INAVA: variants seen among roughly 807,000 people sequenced by gnomAD.
INAVA encodes innate immunity activator protein.
Under a neutral mutation model 55.3 loss-of-function variants are expected in INAVA, and 32 were observed. The ratio of observed to expected loss-of-function variants is 0.58; its 90% confidence interval spans 0.44 to 0.78. The LOEUF is 0.78. INAVA is among the 30% of genes least tolerant of loss of function. The pLI, the probability that INAVA is intolerant of heterozygous loss-of-function variation, is 0.00. For missense variants in INAVA, 756 were observed against 786.4 expected (o/e 0.96, Z 0.46); for synonymous variants, 294 against 329.4 (o/e 0.89, Z 1.16).
intron 6 of INAVA, 182 bp downstream of exon 6, chr1:200,908,069 G>A (rs1653567575): frequency 4.0e-6 from 2 of 504,548 alleles, no homozygotes; most frequent in East Asian, 3.1e-5. Context: ...GTTGAAGATG[G>A]GGAATGTGCG....
chr1:200,912,577 T>C (rs1420508905), intron 9 of INAVA, among the ~76,000 whole-genome samples: 2 of 152,076 alleles, frequency 1.3e-5, no homozygotes, highest in African/African-American at 4.8e-5. Context: ...ATCAGCATCC[T>C]CCCTGACACC....
chr1:200,900,900 T>G lies in INAVA; in HGVS notation c.298-37T>G, dbSNP rs1361988224. ...CCACCCTCTGGGCCCCCAATCTCCC[T>G]GCCTCTCTCTAGCCTCACTCCTGCC... On this transcript the variant is annotated intron_variant, in intron 4 of 9. Transcript: ENST00000413687. 4.0e-6 allele frequency: 6 copies of G among 1,483,216 alleles called. No homozygotes were observed. The South Asian group carries it at 7.7e-5, about 19-fold the overall frequency. The allele number at this position is 1,483,216 out of a possible 1,614,324, so 91.9% of individuals were successfully genotyped here.
upstream of INAVA, among the ~76,000 whole-genome samples, chr1:200,893,904 T>C (rs1335946158): frequency 2.7e-5 from 4 of 149,402 alleles, no homozygotes; most frequent in African/African-American, 5.0e-5. Context: ...TCCAGACATG[T>C]ATTGAGGCAC....
At chr1:200,896,889 A>G (rs1668364129) in intron 1 of INAVA, among the ~76,000 whole-genome samples, 1 of 152,260 alleles carries the variant, frequency 6.6e-6, no homozygotes, top group African/African-American at 2.4e-5. Flanking sequence ...GAGGCAGGAT[A>G]GGCTCCAGAC....
At chr1:200,891,556 A>C (rs1668238544), upstream of INAVA, 1 of 1,603,200 alleles carries the variant, frequency 6.2e-7, no homozygotes, top group Non-Finnish European at 8.5e-7. Flanking sequence ...GCAAATGCCG[A>C]AGTTAAATGA....
chr1:200,898,777 T>C (rs574056479), intron 2 of INAVA, among the ~76,000 whole-genome samples: 20 of 152,306 alleles, frequency 1.3e-4, no homozygotes, highest in East Asian at 9.6e-4. Flanking sequence ...CAGTGGCTCA[T>C]GCCTGTAATC....
At chr1:200,900,652 T>C (rs1653208246) in intron 4 of INAVA, among the ~76,000 whole-genome samples, 1 of 151,928 alleles carries the variant, frequency 6.6e-6, no homozygotes, top group African/African-American at 2.4e-5. Flanking sequence ...CCCTTTGGGG[T>C]CAGGAGGGAA....
At chr1:200,901,331 T>G (rs1302479650) in intron 5 of INAVA, among the ~76,000 whole-genome samples, 172 bp downstream of exon 5, 1 of 152,240 alleles carries the variant, frequency 6.6e-6, no homozygotes, top group East Asian at 1.9e-4. Flanking sequence ...GGCTTCCCCA[T>G]CCTGTGAGGT....
upstream of INAVA, among the ~76,000 whole-genome samples, chr1:200,892,857 G>T (rs1202236699): frequency 6.6e-6 from 1 of 152,358 alleles, no homozygotes; most frequent in East Asian, 1.9e-4. Flanking sequence ...TATTGAGCGT[G>T]AATTTGGGGG....
chr1:200,894,693 T>C (rs1320112545), upstream of INAVA: 25 of 694,920 alleles, frequency 3.6e-5, no homozygotes, highest in Non-Finnish European at 4.4e-5. Flanking sequence ...CTTGAGGCCA[T>C]GAAGACATGA....
At chr1:200,897,809 A>T (rs1653010661) in intron 1 of INAVA, among the ~76,000 whole-genome samples, 1 of 151,970 alleles carries the variant, frequency 6.6e-6, no homozygotes, top group Non-Finnish European at 1.5e-5. Flanking sequence ...TTCATTTTGG[A>T]GAGATGGGGT....
chr1:200,911,485 G>A lies in INAVA; in HGVS notation c.992G>A (p.Arg331Gln), dbSNP rs758771262. 4 of 1,613,318 alleles carry A rather than the reference G, an allele frequency of 2.5e-6. No homozygotes were observed. The highest frequency in any genetic ancestry group is 2.2e-5 in the East Asian group (1 of 44,856). The part of the protein sequence containing the change: ...VDSFRAGPEG[R>Q]GRSAFPRRRP... ...TCCTTCCGGGCGGGTCCTGAGGGCC[G>A]AGGTCGCAGCGCCTTTCCCCGCCGC... The change falls in exon 9 of 10, where the codon CGA (arginine) becomes CAA (glutamine). Residue 331 changes from arginine to glutamine, a missense_variant. Physicochemically the swap from Arg to Gln is conservative, Grantham distance 43. Coordinates refer to ENST00000413687, the MANE Select transcript of INAVA (RefSeq NM_001142569.3).
chr1:200,898,349 G>T lies in INAVA; in HGVS notation c.-52G>T. ...TACCTACACAACCTGGCCCAGGCTG[G>T]TCACGGTGTCCCCCCTCCCTGCTCT... is the stretch of plus-strand genomic sequence containing the variant. On this transcript the variant is annotated 5_prime_UTR_variant, in exon 2 of 10. Transcript: ENST00000413687. 3 of 1,614,090 alleles carry T rather than the reference G, an allele frequency of 1.9e-6. No homozygotes were observed. The highest frequency in any genetic ancestry group is 8.5e-7 in the Non-Finnish European group (1 of 1,180,020).
rs758575159 is a variant in INAVA at position 200,911,418 on chromosome 1, C to G, written c.960-35C>G. 10 of 1,576,228 alleles carry G rather than the reference C, an allele frequency of 6.3e-6. No homozygotes were observed. In the East Asian group the frequency reaches 2.3e-4, roughly 35 times the overall value. On this transcript the variant is annotated intron_variant, in intron 8 of 9. Transcript: ENST00000413687. ...CCAACCCCAGTGTGGAGTTTCTGCC[C>G]CCCACACTCAGAATGCCTCTCTTTC...
chr1:200,905,448 A>G (rs543782275), intron 5 of INAVA, among the ~76,000 whole-genome samples: 27 of 152,286 alleles, frequency 1.8e-4, no homozygotes, highest in Admixed American at 1.2e-3. Context: ...GCTACTCAGG[A>G]GTCTGAGGTG....
At chr1:200,891,564 T>G, upstream of INAVA, 1 of 1,601,798 alleles carries the variant, frequency 6.2e-7, no homozygotes, top group East Asian at 2.3e-5. Flanking sequence ...CGAAGTTAAA[T>G]GAAATACCTC....
chr1:200,909,208 T>C lies in INAVA; in HGVS notation c.786-16T>C. On this transcript the variant is annotated splice_polypyrimidine_tract_variant and intron_variant, in intron 7 of 9. Coordinates refer to ENST00000413687, the MANE Select transcript of INAVA (RefSeq NM_001142569.3). ...GAGGCATTCCTGCCACTGACCTGTC[T>C]CTAATCCTTTTGCAGCAGCCCAGCC... 1 of 1,498,368 alleles carries C rather than the reference T, an allele frequency of 6.7e-7. No individual in the cohort carries two copies. Among genetic ancestry groups the C allele is most frequent in the Admixed American group, 2.2e-5 (1 of 45,304 alleles). 92.8% of individuals were successfully genotyped at this position (1,498,368 alleles called of 1,614,324 possible).
chr1:200,913,454 A>G, intron 9 of INAVA, 83 bp from the exon 10 acceptor site: 1 of 1,022,838 alleles, frequency 9.8e-7, no homozygotes. Flanking sequence ...CCTAAGGGAT[A>G]AGGATGGTGT....
intron 7 of INAVA, 90 bp from the exon 8 acceptor site, chr1:200,909,134 C>G: frequency 7.1e-7 from 1 of 1,417,252 alleles, no homozygotes; most frequent in Admixed American, 2.4e-5. Flanking sequence ...ACTTTGGGAG[C>G]CCCTTCCACT....
Sources: gnomAD v4.1 joint callset for allele counts (sites outside exome capture counted in the v4.1 genomes callset) on GRCh38, gnomAD v4.1.1 for gene constraint, MANE v1.5 for transcripts, NCBI Gene and HGNC (gene_info 2026-07-23, HGNC 2026-07-21) for gene names.